The following RSPO4 variants were observed in gnomAD, a reference collection of about 807,000 sequenced individuals.
RSPO4 encodes R-spondin-4.
RSPO4 carries 23 observed loss-of-function variants against 24.8 expected under a neutral mutation model. That is an observed-to-expected ratio of 0.93 (90% CI 0.67 to 1.31). The LOEUF is 1.31. Among genes scored for constraint, RSPO4 ranks in the 40% most tolerant of loss-of-function variants. The probability of loss-of-function intolerance (pLI) is 0.00; values close to 1 mark genes in which losing one functional copy is unlikely to be tolerated. For synonymous variants in RSPO4, 141 were observed against 127.4 expected (o/e 1.11, Z -0.72); for missense variants, 333 against 316.5 (o/e 1.05, Z -0.39).
intron 1 of RSPO4, among the ~76,000 whole-genome samples, chr20:976,690 G>C (rs538064577): frequency 4.6e-5 from 7 of 152,118 alleles, no homozygotes; most frequent in African/African-American, 1.7e-4. Flanking sequence ...GGTGACATCT[G>C]GGACGCTGAA....
chr20:968,024 T>A lies in RSPO4; in HGVS notation c.194A>T (p.Gln65Leu). The A allele has an allele frequency of 6.2e-7, 1 of 1,614,232 alleles. No individual in the cohort carries two copies. Among genetic ancestry groups the A allele is most frequent in the Non-Finnish European group, 8.5e-7 (1 of 1,180,040 alleles). Residue 65 changes from glutamine to leucine, a missense_variant, in exon 2 of 5, where the codon CAG becomes CTG. Transcript: ENST00000217260. The part of the protein sequence containing the change: ...FLFIRREGIR[Q>L]YGKCLHDCPP... ...ACAGTCGTGCAGGCACTTGCCGTACTGGCGGATGCCTTCCCGGCGGATGAA... is the reference window on the plus strand; with the variant it reads ...ACAGTCGTGCAGGCACTTGCCGTACAGGCGGATGCCTTCCCGGCGGATGAA...
In RSPO4 at chr20:1,002,218, C is replaced by T; in HGVS notation, c.-54G>A. 1 of 1,299,330 alleles carries T rather than the reference C, an allele frequency of 7.7e-7. No homozygotes were observed. Among genetic ancestry groups the T allele is most frequent in the Non-Finnish European group, 1.0e-6 (1 of 996,626 alleles). The allele number at this position is 1,299,330 out of a possible 1,614,324, so 80.5% of individuals were successfully genotyped here. On this transcript the variant is annotated 5_prime_UTR_variant, in exon 1 of 5. Coordinates refer to ENST00000217260, the MANE Select transcript of RSPO4 (RefSeq NM_001029871.4). This position sits in a 1 kb window ranked among gnomAD's most constrained non-coding sequence, Gnocchi z 4.6. ...CCCAGGCGGCCCGACGGCCCAAGGG[C>T]CCCACGTCCCGGCGGCGGCACGGCG... is the stretch of plus-strand genomic sequence containing the variant.
At chr20:983,977 G>A (rs1984821237) in intron 1 of RSPO4, among the ~76,000 whole-genome samples, 1 of 152,120 alleles carries the variant, frequency 6.6e-6, no homozygotes, top group Admixed American at 6.5e-5. Context: ...GTACTGGGGA[G>A]AGTCTAGGCC....
rs574261920 is a variant in RSPO4, at chr20:967,969, C to T, written c.249G>A (p.Gln83=). The T allele has an allele frequency of 1.9e-6, 3 of 1,614,250 alleles. No individual in the cohort carries two copies. In the East Asian group the frequency reaches 6.7e-5, roughly 36 times the overall value. ...CPPGYFGIRG[Q]EVNRCKKCGA... Reference sequence around the variant, plus strand: ...ACGTACTTTTGCACCTGTTGACCTCCTGGCCGCGGATGCCGAAGTACCCAG... The same window carrying T: ...ACGTACTTTTGCACCTGTTGACCTCTTGGCCGCGGATGCCGAAGTACCCAG... Residue 83 remains glutamine, a synonymous_variant, in exon 2 of 5, where the codon CAG becomes CAA. Coordinates refer to ENST00000217260, the MANE Select transcript of RSPO4 (RefSeq NM_001029871.4).
intron 1 of RSPO4, 99 bp downstream of exon 1, chr20:1,001,987 C>G: frequency 1.0e-6 from 1 of 987,266 alleles, no homozygotes; most frequent in Non-Finnish European, 1.5e-6. Context: ...GGGCGCCAGG[C>G]ACCAGGCAGA....
chr20:976,541 C>T (rs946303438), intron 1 of RSPO4, among the ~76,000 whole-genome samples: 4 of 152,122 alleles, frequency 2.6e-5, no homozygotes, highest in African/African-American at 7.2e-5. Flanking sequence ...CAGGAGTCAA[C>T]GGCTCAACAT....
chr20:964,782 A>G (rs1033997769), intron 3 of RSPO4, among the ~76,000 whole-genome samples: 3 of 124,614 alleles, frequency 2.4e-5, no homozygotes, highest in Non-Finnish European at 4.7e-5. Context: ...ACACACATAT[A>G]TATATACACA....
intron 2 of RSPO4, 129 bp downstream of exon 2, chr20:967,821 G>T (rs1392841905): frequency 1.0e-6 from 1 of 954,710 alleles, no homozygotes; most frequent in Non-Finnish European, 1.7e-6. Context: ...ACACAGGCAG[G>T]TATCTCAGAG....
At chr20:993,373 C>T (rs1312615728) in intron 1 of RSPO4, among the ~76,000 whole-genome samples, 7 of 152,200 alleles carry the variant, frequency 4.6e-5, no homozygotes, top group South Asian at 2.1e-4. Context: ...AGACCATTCC[C>T]GAAGGGATCT....
chr20:1,000,511 A>G (rs1171034671), intron 1 of RSPO4, among the ~76,000 whole-genome samples: 3 of 152,182 alleles, frequency 2.0e-5, no homozygotes, highest in Admixed American at 6.5e-5. Flanking sequence ...CAGGATACTT[A>G]AGTAAAAGAT....
chr20:966,849 A>G (rs1984217437), intron 3 of RSPO4, among the ~76,000 whole-genome samples: 1 of 151,754 alleles, frequency 6.6e-6, no homozygotes, highest in Non-Finnish European at 1.5e-5. Flanking sequence ...GTGAGACCCT[A>G]TCTCAAACAA....
intron 1 of RSPO4, among the ~76,000 whole-genome samples, chr20:973,479 T>TTTG (rs1023434806): frequency 2.0e-4 from 31 of 152,148 alleles, no homozygotes; most frequent in Middle Eastern, 6.8e-3. Flanking sequence ...TGTTTGTTTG[T>TTTG]TTGTTTGTTT....
At chr20:975,765 G>T (rs1984544139) in intron 1 of RSPO4, among the ~76,000 whole-genome samples, 1 of 152,248 alleles carries the variant, frequency 6.6e-6, no homozygotes, top group South Asian at 2.1e-4. Context: ...GGACTCAATG[G>T]TTATGAGCTT....
At chr20:995,992 A>G (rs1308127383) in intron 1 of RSPO4, among the ~76,000 whole-genome samples, 1 of 152,248 alleles carries the variant, frequency 6.6e-6, no homozygotes, top group Non-Finnish European at 1.5e-5. Context: ...TCAAAATAAT[A>G]GTTTTCACAC....
chr20:969,753 G>C (rs905854634), intron 1 of RSPO4, among the ~76,000 whole-genome samples: 1 of 151,504 alleles, frequency 6.6e-6, no homozygotes, highest in Non-Finnish European at 1.5e-5. Context: ...ACTGGGAGTA[G>C]GAGGTGGGGG....
At chr20:971,047 T>C (rs1205168739) in intron 1 of RSPO4, among the ~76,000 whole-genome samples, 1 of 152,178 alleles carries the variant, frequency 6.6e-6, no homozygotes, top group Non-Finnish European at 1.5e-5. Context: ...CTCTCTCTGT[T>C]TCCCAGGCTG....
intron 1 of RSPO4, among the ~76,000 whole-genome samples, chr20:980,213 T>G (rs1984693374): frequency 6.6e-6 from 1 of 152,112 alleles, no homozygotes; most frequent in South Asian, 2.1e-4. Context: ...GCAGTGTGAC[T>G]CTGAACCTGA....
chr20:995,756 G>C (rs1004601113), intron 1 of RSPO4, among the ~76,000 whole-genome samples: 1 of 152,110 alleles, frequency 6.6e-6, no homozygotes, highest in African/African-American at 2.4e-5. Context: ...GCCCCTTACA[G>C]CTGTCAGGAG....
chr20:1,002,020 G>A lies in RSPO4; in HGVS notation c.79+66C>T. 7.1e-7 allele frequency: 1 copy of A among 1,401,970 alleles called. No homozygotes were observed. Among genetic ancestry groups the A allele is most frequent in the Non-Finnish European group, 9.8e-7 (1 of 1,019,986 alleles). The allele number at this position is 1,401,970 out of a possible 1,614,324, so 86.8% of individuals were successfully genotyped here. A position where few individuals can be genotyped will look rare whatever the true frequency, so the allele number is the denominator to read the frequency against. ...AGATGCCCCCAGAGCCGCCGCCCCCGGTCCTCCGGCCCCCGGTCTGCCCCG... is the reference window on the plus strand; with the variant it reads ...AGATGCCCCCAGAGCCGCCGCCCCCAGTCCTCCGGCCCCCGGTCTGCCCCG... On this transcript the variant is annotated intron_variant, in intron 1 of 4. Coordinates refer to ENST00000217260, the MANE Select transcript of RSPO4 (RefSeq NM_001029871.4). The surrounding 1 kb of genome is among the most constrained non-coding windows in gnomAD (Gnocchi z 4.6).
Sources: gnomAD v4.1 joint callset for allele counts (sites outside exome capture counted in the v4.1 genomes callset) on GRCh38, gnomAD v4.1.1 for gene constraint, Gnocchi (gnomAD v3.1) non-coding constraint, MANE v1.5 for transcripts, NCBI Gene and HGNC (gene_info 2026-07-23, HGNC 2026-07-21) for gene names.